The following VPS13B variants were observed in gnomAD, a reference collection of about 807,000 sequenced individuals.
The protein encoded by VPS13B is intermembrane lipid transfer protein VPS13B.
A neutral mutation model predicts 426.4 loss-of-function variants in VPS13B; 285 were observed. That is an observed-to-expected ratio of 0.67 (90% CI 0.61 to 0.74). The LOEUF (loss-of-function observed/expected upper bound fraction) is 0.74. Ranked by LOEUF, VPS13B falls within the 30% of genes least tolerant of loss-of-function variation. The probability of loss-of-function intolerance (pLI) is 0.00; values close to 1 mark genes in which losing one functional copy is unlikely to be tolerated. For synonymous variants in VPS13B, 1,676 were observed against 1,676.4 expected (o/e 1.00, Z 0.01); for missense variants, 4,537 against 4,782.6 (o/e 0.95, Z 1.51).
At chr8:99,757,638 A>G (rs2130574101) in intron 39 of VPS13B, among the ~76,000 whole-genome samples, 1 of 152,320 alleles carries the variant, frequency 6.6e-6, no homozygotes, top group Non-Finnish European at 1.5e-5. Flanking sequence ...TCTTTGTACC[A>G]AAAATATTTT....
chr8:99,103,763 T>G (rs1200165042), intron 5 of VPS13B, among the ~76,000 whole-genome samples: 1 of 152,088 alleles, frequency 6.6e-6, no homozygotes, highest in Admixed American at 6.6e-5. Flanking sequence ...CCTTCCAAAG[T>G]GCTGGGATTA....
chr8:99,471,926 A>G (rs955026792), intron 24 of VPS13B, among the ~76,000 whole-genome samples: 2 of 152,178 alleles, frequency 1.3e-5, no homozygotes, highest in East Asian at 1.9e-4. Flanking sequence ...AAGTAAAACA[A>G]GATGCTACCG....
At chr8:99,236,320 G>C (rs1432207618) in intron 17 of VPS13B, among the ~76,000 whole-genome samples, 2 of 151,744 alleles carry the variant, frequency 1.3e-5, no homozygotes, top group Non-Finnish European at 2.9e-5. Context: ...CGTGATCTCA[G>C]CTCACTGCAA....
chr8:99,100,102 TA>T (rs1212977369), intron 4 of VPS13B, among the ~76,000 whole-genome samples: 4 of 152,284 alleles, frequency 2.6e-5, no homozygotes, highest in African/African-American at 9.6e-5. Flanking sequence ...TGAGGGATTA[TA>T]GAGACGGTTT....
chr8:99,460,594 T>C (rs770534312), intron 23 of VPS13B, among the ~76,000 whole-genome samples: 11 of 152,228 alleles, frequency 7.2e-5, no homozygotes, highest in Non-Finnish European at 1.2e-4. Flanking sequence ...CCTGAAAGAT[T>C]GCAGGACAAG....
chr8:99,060,590 T>C (rs1587979946), intron 3 of VPS13B, among the ~76,000 whole-genome samples: 1 of 148,804 alleles, frequency 6.7e-6, no homozygotes, highest in Non-Finnish European at 1.5e-5. Context: ...GCTTGGGTGA[T>C]AGAGCGCGAC....
At chr8:99,472,383 A>G (rs1205940068) in intron 24 of VPS13B, among the ~76,000 whole-genome samples, 1 of 152,048 alleles carries the variant, frequency 6.6e-6, no homozygotes, top group African/African-American at 2.4e-5. Flanking sequence ...CCACAGTCAA[A>G]TTAGAAATTA....
chr8:99,081,492 G>C (rs1017579457), intron 3 of VPS13B, among the ~76,000 whole-genome samples: 1 of 151,866 alleles, frequency 6.6e-6, no homozygotes, highest in African/African-American at 2.4e-5. Context: ...TGTTACATAT[G>C]TATACATGTG....
chr8:99,589,625 T>A (rs941732662), intron 33 of VPS13B, among the ~76,000 whole-genome samples: 1 of 151,766 alleles, frequency 6.6e-6, no homozygotes, highest in Non-Finnish European at 1.5e-5. Flanking sequence ...TTTCGGTTGG[T>A]TCCAAGTCTT....
rs559052988 is a variant in VPS13B, at chr8:99,574,792, A to G, written c.4950-866A>G. Among the ~76,000 whole-genome samples the G allele has an allele frequency of 1.9e-3, 286 of 152,236 alleles. 4 individuals are homozygous for G. The highest frequency in any genetic ancestry group is 5.0e-3 in the Admixed American group (76 of 15,290). ...CCCAGTACTTGAACTTCATTTCCTT[A>G]CAGATAATAATGGGGCTATTAACAG... On this transcript the variant is annotated intron_variant, in intron 31 of 61. Transcript: ENST00000357162.
At chr8:99,049,395 ACTC>A (rs58536457) in intron 3 of VPS13B, among the ~76,000 whole-genome samples, 111,842 of 151,052 alleles carry the variant, frequency 0.74, 42,004 homozygotes, top group South Asian at 0.87. Context: ...TCTGAAAAAG[ACTC>A]TATCTTTCCT....
At chr8:99,310,660 T>C (rs1013944971) in intron 19 of VPS13B, among the ~76,000 whole-genome samples, 4 of 152,216 alleles carry the variant, frequency 2.6e-5, no homozygotes, top group African/African-American at 9.6e-5. Context: ...TTTTTTGTTG[T>C]GTCTATTCCA....
chr8:99,653,124 A>C (rs1236577527), intron 34 of VPS13B, among the ~76,000 whole-genome samples: 1 of 152,222 alleles, frequency 6.6e-6, no homozygotes, highest in East Asian at 1.9e-4. Context: ...TGGTTTGATA[A>C]TATCTGCTGT....
chr8:99,875,995 A>C lies in VPS13B; in HGVS notation c.*329A>C. 1 of 361,318 alleles carries C rather than the reference A, an allele frequency of 2.8e-6. No homozygotes were observed. Among genetic ancestry groups the C allele is most frequent in the Non-Finnish European group, 5.2e-6 (1 of 191,976 alleles). 22.4% of individuals were successfully genotyped at this position (361,318 alleles called of 1,614,324 possible). ...CGTGTTCCTTCCCCACTTAGAGACA[A>C]TGATTAACAGGGCCCTATATGTTCT... is the stretch of plus-strand genomic sequence containing the variant. On this transcript the variant is annotated 3_prime_UTR_variant, in exon 62 of 62. Coordinates refer to ENST00000357162, the MANE Select transcript of VPS13B (RefSeq NM_152564.5).
Position 99,136,732 on chromosome 8 carries a change from T to TGG in VPS13B, c.1632_1633dup (p.Glu545GlyfsTer36). 6.2e-7 allele frequency: 1 copy of TGG among 1,613,606 alleles called. No homozygotes were observed. The highest frequency in any genetic ancestry group is 1.1e-5 in the South Asian group (1 of 91,072). On this transcript the variant is annotated frameshift_variant, in exon 12 of 62. Coordinates refer to ENST00000357162, the MANE Select transcript of VPS13B (RefSeq NM_152564.5). LOFTEE classifies it high-confidence loss of function. ...TTTTATATGGATTACCTGTATACAATGGAGAACACTAGTGGCAAAGGTATT... is the reference window on the plus strand; with the variant it reads ...TTTTATATGGATTACCTGTATACAATGGGGAGAACACTAGTGGCAAAGGTATT...
At chr8:99,707,485 C>T (rs1004367157) in intron 36 of VPS13B, among the ~76,000 whole-genome samples, 1 of 152,132 alleles carries the variant, frequency 6.6e-6, no homozygotes, top group African/African-American at 2.4e-5. Context: ...CCTTAAAGGT[C>T]ATCCTTTTTT....
At chr8:99,482,274 G>A (rs79131782) in intron 25 of VPS13B, among the ~76,000 whole-genome samples, 9,092 of 151,634 alleles carry the variant, frequency 0.06, 369 homozygotes, top group African/African-American at 0.11. Flanking sequence ...TATTTTTAAC[G>A]TCCTAACCTA....
intron 35 of VPS13B, among the ~76,000 whole-genome samples, chr8:99,686,094 T>C (rs1433031485): frequency 6.6e-6 from 1 of 152,230 alleles, no homozygotes; most frequent in Non-Finnish European, 1.5e-5. Flanking sequence ...CCAGTAACTG[T>C]GTGGCTCTTG....
chr8:99,753,384 T>C (rs1020436705), intron 39 of VPS13B, among the ~76,000 whole-genome samples: 2 of 152,156 alleles, frequency 1.3e-5, no homozygotes, highest in South Asian at 4.1e-4. Context: ...TTGTTATTTA[T>C]AGTAAATGAT....
Sources: allele counts gnomAD v4.1 joint callset (sites outside exome capture counted in the v4.1 genomes callset), GRCh38; gene constraint gnomAD v4.1.1; transcripts MANE v1.5; gene names NCBI Gene and HGNC (gene_info 2026-07-23, HGNC 2026-07-21).